Variants in BTBD19 observed in about 807,000 individuals in gnomAD.
BTBD19 encodes the protein BTB domain containing 19.
Under a neutral mutation model 36.1 loss-of-function variants are expected in BTBD19, and 20 were observed. The ratio of observed to expected loss-of-function variants is 0.55; its 90% CI spans 0.39 to 0.80. BTBD19 has a LOEUF of 0.80. BTBD19 is among the 30% of genes least tolerant of loss of function. The pLI is 0.00. For missense variants in BTBD19, 325 were observed against 389.8 expected, an observed-to-expected ratio of 0.83 and a Z score of 1.40; for synonymous variants, 157 against 174.3, an observed-to-expected ratio of 0.90 and a Z score of 0.78.
In BTBD19 at chr1:44,813,257, G is replaced by A; in HGVS notation, c.603G>A (p.Ala201=). 3 of 1,535,910 alleles carry A rather than the reference G, an allele frequency of 2.0e-6. No homozygotes were observed. The highest frequency in any genetic ancestry group is 1.4e-5 in the African/African-American group (1 of 73,006). ...TGGTCCGCGCGGCCCGAAGCTGGGC[G>A]CGCGTGGGCGCGGTGAGTGGGGCTG... The change falls in exon 6 of 8, where the codon GCG becomes GCA. Residue 201 remains alanine, a synonymous_variant. Coordinates refer to ENST00000450269, the Ensembl canonical transcript of BTBD19. This position sits in a 1 kb window ranked among gnomAD's most constrained non-coding sequence, Gnocchi z 7.8.
chr1:44,808,900 G>C lies in BTBD19; in HGVS notation c.80G>C (p.Arg27Pro), dbSNP rs758766076. The change falls in exon 1 of 8, where the codon CGA becomes CCA. Residue 27 changes from arginine (R) to proline (P), a missense_variant. Physicochemically the swap from Arg to Pro is moderately radical, Grantham distance 103. Coordinates refer to ENST00000450269, the Ensembl canonical transcript of BTBD19. ...CTCCGAAGCCTTGTCAACAACCCGC[G>C]ATACAGGTGAGGGGTGGGCCCTGCC... 33 of 1,549,170 alleles carry C rather than the reference G, an allele frequency of 2.1e-5. No homozygotes were observed. The African/African-American group carries it at 3.2e-4, about 15-fold the overall frequency.
exon 1 of BTBD19, chr1:44,808,896 C>T: frequency 6.5e-7 from 1 of 1,549,864 alleles, no homozygotes; most frequent in Non-Finnish European, 8.7e-7. Context: ...TGTCAACAAC[C>T]CGCGATACAG....
At chr1:44,809,442 C>G (rs911663921) in intron 1 of BTBD19, among the ~76,000 whole-genome samples, 1 of 152,260 alleles carries the variant, frequency 6.6e-6, no homozygotes, top group East Asian at 1.9e-4. Flanking sequence ...TACAGGAGGC[C>G]GGGCTGCTCA....
chr1:44,812,319 G>A, intron 4 of BTBD19: 1 of 455,814 alleles, frequency 2.2e-6, no homozygotes, highest in South Asian at 1.6e-5. Context: ...GGTGTTGAAG[G>A]GGCTGGAGGT....
At chr1:44,814,135 T>TTTCTTC (rs1652579475), downstream of BTBD19, 1 of 276,840 alleles carries the variant, frequency 3.6e-6, no homozygotes, top group Non-Finnish European at 6.7e-6. Flanking sequence ...CCCTCTTTCT[T>TTTCTTC]TTCTTTTTCT....
rs1189503370 is a variant in BTBD19, at chr1:44,810,685, T to C, written c.354+78T>C. ...ACTTCCCGCCCTGCCTCACACACAC[T>C]CTGGCCTGGAGAGGAACGTGTGCCC... On this transcript the variant is annotated intron_variant, in intron 3 of 7. Transcript: ENST00000450269. The surrounding 1 kb of genome is among the most constrained non-coding windows in gnomAD (Gnocchi z 4.2). 1 of 1,384,198 alleles carries C rather than the reference T, an allele frequency of 7.2e-7. No homozygotes were observed. The highest frequency in any genetic ancestry group is 2.8e-5 in the East Asian group (1 of 36,220). 85.7% of individuals were successfully genotyped at this position (1,384,198 alleles called of 1,614,324 possible). A position where few individuals can be genotyped will look rare whatever the true frequency, so the allele number is the denominator to read the frequency against.
At position 44,813,975 on chromosome 1, in the gene BTBD19, C is replaced by G; in HGVS notation, c.*203C>G. ...GTGGGCGAGGTGGGGTCGGGCCGGG[C>G]AGGGCTTGGGCTGGGCCTCCCTGAG... On this transcript the variant is annotated 3_prime_UTR_variant, in exon 8 of 8. Coordinates refer to ENST00000450269, the Ensembl canonical transcript of BTBD19. The surrounding 1 kb of genome is among the most constrained non-coding windows in gnomAD (Gnocchi z 7.8). The G allele has an allele frequency of 2.4e-6, 2 of 836,946 alleles. No homozygotes were observed. The highest frequency in any genetic ancestry group is 3.6e-6 in the Non-Finnish European group (2 of 549,440). 51.8% of individuals were successfully genotyped at this position (836,946 alleles called of 1,614,324 possible).
Position 44,813,971 on chromosome 1 carries a change from CGGGCAGGGCTTGGGCT to C in BTBD19, c.*204_*219del. On this transcript the variant is annotated 3_prime_UTR_variant, in exon 8 of 8. Coordinates refer to ENST00000450269, the Ensembl canonical transcript of BTBD19. This position sits in a 1 kb window ranked among gnomAD's most constrained non-coding sequence, Gnocchi z 7.8. ...CCGTGTGGGCGAGGTGGGGTCGGGC[CGGGCAGGGCTTGGGCT>C]GGGCCTCCCTGAGGGGGTGAAACTC... 2 of 865,754 alleles carry C rather than the reference CGGGCAGGGCTTGGGCT, an allele frequency of 2.3e-6. No individual in the cohort carries two copies. The highest frequency in any genetic ancestry group is 3.5e-6 in the Non-Finnish European group (2 of 575,450). 53.6% of individuals were successfully genotyped at this position (865,754 alleles called of 1,614,324 possible). A position where few individuals can be genotyped will look rare whatever the true frequency, so the allele number is the denominator to read the frequency against.
chr1:44,809,093 G>GC (rs1418085583), intron 1 of BTBD19, among the ~76,000 whole-genome samples, 187 bp downstream of exon 1: 1 of 152,156 alleles, frequency 6.6e-6, no homozygotes, highest in Non-Finnish European at 1.5e-5. Flanking sequence ...GACCCTGAGG[G>GC]CCAGAGGCAA....
chr1:44,814,795 C>G (rs893286966), downstream of BTBD19: 7 of 152,108 alleles, frequency 4.6e-5, no homozygotes, highest in Non-Finnish European at 1.0e-4. Flanking sequence ...TTCATGTGAT[C>G]CGCCAGCCTC....
At chr1:44,812,690 C>T (rs1370442297) in intron 4 of BTBD19, among the ~76,000 whole-genome samples, 1 of 152,022 alleles carries the variant, frequency 6.6e-6, no homozygotes, top group African/African-American at 2.4e-5. Context: ...CAGAGTGAGA[C>T]TCTGCCTCAA....
At chr1:44,808,958 CAGGACTCTA>C in intron 1 of BTBD19, 52 bp downstream of exon 1, 1 of 1,428,884 alleles carries the variant, frequency 7.0e-7, no homozygotes, top group South Asian at 1.3e-5. Context: ...CTGTGGGCCC[CAGGACTCTA>C]AGGAGGCCCT....
At position 44,813,314 on chromosome 1, in the gene BTBD19, G is replaced by T; in HGVS notation, c.615+45G>T. On this transcript the variant is annotated intron_variant, in intron 6 of 7. Transcript: ENST00000450269. The surrounding 1 kb of genome is among the most constrained non-coding windows in gnomAD (Gnocchi z 7.8). ...CGCAAGGGCACGGAAGGAGGTGCTG[G>T]CCACGAGACTGGTGAGCGGGCGGCA... 6.5e-7 allele frequency: 1 copy of T among 1,538,580 alleles called. No homozygotes were observed.
At position 44,813,015 on chromosome 1, in the gene BTBD19, T is replaced by C; in HGVS notation, c.434T>C (p.Leu145Pro). 2 of 1,551,258 alleles carry C rather than the reference T, an allele frequency of 1.3e-6. No homozygotes were observed. Among genetic ancestry groups the C allele is most frequent in the African/African-American group, 1.4e-5 (1 of 73,128 alleles). The change falls in exon 5 of 8, where the codon CTG becomes CCG. Residue 145 changes from leucine to proline, a missense_variant. Leu to Pro is a moderately conservative substitution (Grantham distance 98). Coordinates refer to ENST00000450269, the Ensembl canonical transcript of BTBD19. This position sits in a 1 kb window ranked among gnomAD's most constrained non-coding sequence, Gnocchi z 7.8. ...TCGCAGGTGGCCGTAACCTTTGGCC[T>C]GGGGCAGCTGCAGGAGCGCTGCGTG...
At chr1:44,812,204 GGGTACAT>G (rs1266915085) in intron 4 of BTBD19, 106 bp downstream of exon 4, 6 of 848,386 alleles carry the variant, frequency 7.1e-6, no homozygotes, top group African/African-American at 1.8e-5. Flanking sequence ...GAAATAACTT[GGGTACAT>G]GGTGGTGGTG....
In BTBD19 at chr1:44,810,689, G is replaced by T. The variant is rs1352948871; in HGVS notation, c.354+82G>T. On this transcript the variant is annotated intron_variant, in intron 3 of 7. Transcript: ENST00000450269. This position sits in a 1 kb window ranked among gnomAD's most constrained non-coding sequence, Gnocchi z 4.2. Reference sequence around the variant, plus strand: ...CCCGCCCTGCCTCACACACACTCTGGCCTGGAGAGGAACGTGTGCCCACAC... The same window carrying T: ...CCCGCCCTGCCTCACACACACTCTGTCCTGGAGAGGAACGTGTGCCCACAC... 41 of 1,343,322 alleles carry T rather than the reference G, an allele frequency of 3.1e-5. 1 individual carries two copies. The Admixed American group carries it at 8.6e-4, about 28-fold the overall frequency. The allele number at this position is 1,343,322 out of a possible 1,614,324, so 83.2% of individuals were successfully genotyped here.
In BTBD19 at chr1:44,813,957, A is replaced by T; in HGVS notation, c.*185A>T. 8 of 1,008,404 alleles carry T rather than the reference A, an allele frequency of 7.9e-6. No individual in the cohort carries two copies. The East Asian group carries it at 8.3e-5, about 10-fold the overall frequency. 62.5% of individuals were successfully genotyped at this position (1,008,404 alleles called of 1,614,324 possible). A position where few individuals can be genotyped will look rare whatever the true frequency, so the allele number is the denominator to read the frequency against. On this transcript the variant is annotated 3_prime_UTR_variant, in exon 8 of 8. Coordinates refer to ENST00000450269, the Ensembl canonical transcript of BTBD19. The surrounding 1 kb of genome is among the most constrained non-coding windows in gnomAD (Gnocchi z 7.8). Reference sequence around the variant, plus strand: ...GTGCGGGATCAAGCCCGTGTGGGCGAGGTGGGGTCGGGCCGGGCAGGGCTT... The same window carrying T: ...GTGCGGGATCAAGCCCGTGTGGGCGTGGTGGGGTCGGGCCGGGCAGGGCTT...
At chr1:44,811,741 G>A (rs1045188899) in intron 3 of BTBD19, 6 of 308,198 alleles carry the variant, frequency 1.9e-5, no homozygotes, top group South Asian at 1.6e-4. Flanking sequence ...AAGGGAACAA[G>A]TGGAGGAAGA....
At chr1:44,814,141 T>C (rs11211038), downstream of BTBD19, 38,914 of 247,618 alleles carry the variant, frequency 0.16, 3,581 homozygotes, top group East Asian at 0.21. Context: ...TTCTTTTCTT[T>C]TTCTTTCTCT....
Sources: allele counts gnomAD v4.1 joint callset (sites outside exome capture counted in the v4.1 genomes callset), GRCh38; gene constraint gnomAD v4.1.1; non-coding constraint Gnocchi (gnomAD v3.1); transcripts MANE v1.5; gene names NCBI Gene and HGNC (gene_info 2026-07-23, HGNC 2026-07-21).